NOL4: variants seen among roughly 807,000 people sequenced by gnomAD.
The protein encoded by NOL4 is cancer/testis antigen 125.
Under a neutral mutation model 75.9 loss-of-function variants are expected in NOL4, and 17 were observed. That is an observed-to-expected ratio of 0.22 (90% CI 0.15 to 0.34). The LOEUF (loss-of-function observed/expected upper bound fraction) is 0.34, where lower values mean the gene tolerates loss of function less well. NOL4 is among the 10% of genes least tolerant of loss of function. The pLI, the probability that NOL4 is intolerant of heterozygous loss-of-function variation, is 1.00. For synonymous variants in NOL4, 292 were observed against 289.9 expected (o/e 1.01, Z -0.07); for missense variants, 614 against 793.5 (o/e 0.77, Z 2.72).
At position 34,131,324 on chromosome 18, in the gene NOL4, C is replaced by A. The variant is rs756639965; in HGVS notation, c.265-1304G>T. On this transcript the variant is annotated intron_variant, in intron 1 of 10. Transcript: ENST00000261592. Reference sequence around the variant, plus strand: ...TTTTGTTATTTATTCATTTATTTTTCTGACATGGTAAGCCTTGTGAGTAGT... The same window carrying A: ...TTTTGTTATTTATTCATTTATTTTTATGACATGGTAAGCCTTGTGAGTAGT... Among the ~76,000 whole-genome samples, 4 of 152,054 alleles carry A rather than the reference C, an allele frequency of 2.6e-5. No individual in the cohort carries two copies. In the South Asian group the frequency reaches 8.3e-4, roughly 31 times the overall value.
intron 1 of NOL4, among the ~76,000 whole-genome samples, chr18:34,153,992 T>C (rs1472099607): frequency 6.6e-6 from 1 of 151,968 alleles, no homozygotes; most frequent in Non-Finnish European, 1.5e-5. Context: ...TGAGGCAGGC[T>C]AGAAAATGTA....
chr18:34,123,980 G>A (rs1233888375), intron 2 of NOL4, among the ~76,000 whole-genome samples: 1 of 151,934 alleles, frequency 6.6e-6, no homozygotes, highest in African/African-American at 2.4e-5. Context: ...ACTGGACAAA[G>A]TTTACCAAAA....
At chr18:34,067,187 T>C (rs1195267660) in intron 5 of NOL4, among the ~76,000 whole-genome samples, 4 of 152,146 alleles carry the variant, frequency 2.6e-5, no homozygotes, top group African/African-American at 9.7e-5. Context: ...ACTTGGAATA[T>C]TATATTTGAG....
intron 1 of NOL4, among the ~76,000 whole-genome samples, chr18:34,167,644 G>A (rs2032549099): frequency 6.6e-6 from 1 of 152,002 alleles, no homozygotes; most frequent in Non-Finnish European, 1.5e-5. Flanking sequence ...TCACACATAT[G>A]TATGTGAAAT....
intron 1 of NOL4, among the ~76,000 whole-genome samples, chr18:34,171,667 C>A (rs886605629): frequency 2.0e-5 from 3 of 152,086 alleles, no homozygotes; most frequent in African/African-American, 7.2e-5. Flanking sequence ...CAACATTCTT[C>A]TAGTAATGCT....
intron 5 of NOL4, among the ~76,000 whole-genome samples, chr18:34,062,722 G>A (rs571927108): frequency 1.7e-3 from 266 of 152,092 alleles, no homozygotes; most frequent in Non-Finnish European, 2.9e-3. Flanking sequence ...ATAAAAATAG[G>A]CAGGTAGATG....
At chr18:34,214,643 C>G (rs946903608) in intron 1 of NOL4, among the ~76,000 whole-genome samples, 1 of 152,118 alleles carries the variant, frequency 6.6e-6, no homozygotes, top group African/African-American at 2.4e-5. Context: ...ACCATATGAT[C>G]CAGCAAACCT....
intron 5 of NOL4, among the ~76,000 whole-genome samples, chr18:34,024,316 C>CA (rs2075236871): frequency 6.7e-6 from 1 of 149,670 alleles, no homozygotes; most frequent in Non-Finnish European, 1.5e-5. Context: ...CCAAATTCAC[C>CA]ACAATTTTCC....
intron 5 of NOL4, among the ~76,000 whole-genome samples, chr18:34,024,051 C>A (rs923537965): frequency 6.6e-6 from 1 of 150,894 alleles, no homozygotes; most frequent in African/African-American, 2.4e-5. Context: ...ATATGTGTAC[C>A]TGTGTGTGTA....
At chr18:34,213,468 T>G (rs2036656032) in intron 1 of NOL4, among the ~76,000 whole-genome samples, 1 of 152,096 alleles carries the variant, frequency 6.6e-6, no homozygotes, top group Non-Finnish European at 1.5e-5. Flanking sequence ...TTTTGTATTT[T>G]TAGTAGAGCC....
chr18:34,183,006 C>T (rs1039730771), intron 1 of NOL4, among the ~76,000 whole-genome samples: 1 of 151,536 alleles, frequency 6.6e-6, no homozygotes, highest in East Asian at 1.9e-4. Context: ...GCAAAGCATC[C>T]TTCAGTGTGA....
intron 5 of NOL4, among the ~76,000 whole-genome samples, chr18:34,033,505 A>G (rs1664462398): frequency 6.6e-6 from 1 of 152,120 alleles, no homozygotes; most frequent in Non-Finnish European, 1.5e-5. Context: ...TCAGAAAAAA[A>G]TAAAGAGAAT....
chr18:34,066,313 A>G (rs1472426868), intron 5 of NOL4, among the ~76,000 whole-genome samples: 1 of 152,046 alleles, frequency 6.6e-6, no homozygotes, highest in Non-Finnish European at 1.5e-5. Context: ...AAGAGATGCT[A>G]TCATTTTATT....
chr18:34,112,366 C>T (rs762731185), intron 2 of NOL4, among the ~76,000 whole-genome samples: 6 of 150,076 alleles, frequency 4.0e-5, no homozygotes, highest in Non-Finnish European at 8.9e-5. Context: ...GAGACTGTCC[C>T]CCCCCAAAAA....
chr18:33,877,849 T>TGC (rs1260713096), intron 10 of NOL4, among the ~76,000 whole-genome samples: 2 of 151,472 alleles, frequency 1.3e-5, no homozygotes, highest in African/African-American at 4.9e-5. Flanking sequence ...TGTGTGTGTG[T>TGC]GTGCGCTATC....
intron 9 of NOL4, among the ~76,000 whole-genome samples, chr18:33,885,845 A>C (rs1395140634): frequency 6.6e-6 from 1 of 152,164 alleles, no homozygotes; most frequent in East Asian, 1.9e-4. Flanking sequence ...AAAGAAAATC[A>C]ATTTATCAAA....
chr18:34,064,440 G>A (rs1011620045), intron 5 of NOL4, among the ~76,000 whole-genome samples: 1 of 151,892 alleles, frequency 6.6e-6, no homozygotes, highest in African/African-American at 2.4e-5. Flanking sequence ...AAAACCTTGG[G>A]CCCTGTACCC....
intron 9 of NOL4, among the ~76,000 whole-genome samples, chr18:33,914,883 C>G (rs530679462): frequency 6.6e-6 from 1 of 152,168 alleles, no homozygotes; most frequent in South Asian, 2.1e-4. Flanking sequence ...ATATATGGAT[C>G]TGGAGTTCAG....
chr18:34,031,911 C>T (rs957680226), intron 5 of NOL4, among the ~76,000 whole-genome samples: 1 of 152,140 alleles, frequency 6.6e-6, no homozygotes, highest in African/African-American at 2.4e-5. Context: ...TGGCACTGCC[C>T]CAGAGAGAGG....
Sources: allele counts gnomAD v4.1 joint callset (sites outside exome capture counted in the v4.1 genomes callset), GRCh38; gene constraint gnomAD v4.1.1; transcripts MANE v1.5; gene names NCBI Gene and HGNC (gene_info 2026-07-23, HGNC 2026-07-21).